The following TANGO6 variants were observed in gnomAD, a reference collection of about 807,000 sequenced individuals.
TANGO6 encodes the protein transport and golgi organization 6 homolog, also known as transport and Golgi organization protein 6 homolog.
Under a neutral mutation model 114.2 loss-of-function variants are expected in TANGO6, and 90 were observed. The ratio of observed to expected loss-of-function variants is 0.79; its 90% confidence interval spans 0.66 to 0.94. TANGO6 has a LOEUF of 0.94. Among genes scored for constraint, TANGO6 ranks in the 40% least tolerant of loss-of-function variants. The pLI is 0.00. For missense variants in TANGO6, 1,274 were observed against 1,315.3 expected (o/e 0.97, Z 0.49); for synonymous variants, 477 against 509.8 (o/e 0.94, Z 0.87).
chr16:68,915,500 A>C (rs1962991202), intron 11 of TANGO6, among the ~76,000 whole-genome samples: 1 of 152,140 alleles, frequency 6.6e-6, no homozygotes, highest in African/African-American at 2.4e-5. Flanking sequence ...TCCTGGCCTA[A>C]AGTGATCTCC....
chr16:68,915,296 A>G (rs1361975329), intron 11 of TANGO6, among the ~76,000 whole-genome samples: 1 of 151,892 alleles, frequency 6.6e-6, no homozygotes, highest in Non-Finnish European at 1.5e-5. Flanking sequence ...ACAGGGTCTC[A>G]CTCTTTGTTG....
chr16:69,044,853 A>G (rs1198723707), intron 17 of TANGO6, among the ~76,000 whole-genome samples: 1 of 152,116 alleles, frequency 6.6e-6, no homozygotes, highest in Non-Finnish European at 1.5e-5. Flanking sequence ...CCTTATCTGA[A>G]AAAGAAAAAA....
intron 17 of TANGO6, among the ~76,000 whole-genome samples, chr16:69,045,925 G>C (rs1424148885): frequency 6.6e-6 from 1 of 151,148 alleles, no homozygotes; most frequent in Non-Finnish European, 1.5e-5. Flanking sequence ...TTAGCCGGGC[G>C]TGGTGTCACG....
At chr16:69,015,435 A>G (rs1157878257) in intron 15 of TANGO6, among the ~76,000 whole-genome samples, 3 of 148,154 alleles carry the variant, frequency 2.0e-5, no homozygotes, top group African/African-American at 7.3e-5. Context: ...GGGTTGATGG[A>G]GCATGTAGTT....
In TANGO6 at chr16:69,063,781, T is replaced by TTTCTTCTTCTTCTTCTTC. The variant is rs575958202; in HGVS notation, c.3109-19692_3109-19675dup. Among the ~76,000 whole-genome samples, 886 of 115,326 alleles carry TTTCTTCTTCTTCTTCTTC rather than the reference T, an allele frequency of 7.7e-3. 15 individuals are homozygous for TTTCTTCTTCTTCTTCTTC. Among genetic ancestry groups the TTTCTTCTTCTTCTTCTTC allele is most frequent in the African/African-American group, 0.029 (805 of 27,918 alleles). The allele number at this position is 115,326 out of a possible 152,430, so 75.7% of individuals were successfully genotyped here. A position where few individuals can be genotyped will look rare whatever the true frequency, so the allele number is the denominator to read the frequency against. On this transcript the variant is annotated intron_variant, in intron 17 of 17. Transcript: ENST00000261778. ...TCACTCTGGGCAGCGTAGCCATACT[T>TTTCTTCTTCTTCTTCTTC]TTCTTCTTCTTCTTCTTCTTCTTCT...
At chr16:68,951,892 G>A (rs1963475319) in intron 14 of TANGO6, among the ~76,000 whole-genome samples, 1 of 152,270 alleles carries the variant, frequency 6.6e-6, no homozygotes, top group East Asian at 1.9e-4. Flanking sequence ...GATTACAGGC[G>A]TGAGCCACCA....
intron 16 of TANGO6, among the ~76,000 whole-genome samples, chr16:69,038,421 T>C (rs1959724028): frequency 1.3e-5 from 2 of 151,240 alleles, no homozygotes; most frequent in Middle Eastern, 3.4e-3. Flanking sequence ...CAGAGCGAGA[T>C]CCTGTTTCAA....
intron 3 of TANGO6, among the ~76,000 whole-genome samples, chr16:68,865,275 C>CA (rs60365346): frequency 0.14 from 9,915 of 69,984 alleles, 506 homozygotes; most frequent in East Asian, 0.24. Context: ...GACTCCGTCT[C>CA]AAAAAAAAAA....
chr16:68,866,975 CT>C (rs536677611), intron 3 of TANGO6, 103 bp from the exon 4 acceptor site: 8,764 of 227,120 alleles, frequency 0.039, 226 homozygotes, highest in African/African-American at 0.13. Context: ...GCTATTTCTC[CT>C]TTTTTTTTTT....
chr16:68,906,792 C>CTTT lies in TANGO6; in HGVS notation c.1668-635_1668-633dup, dbSNP rs35841953. 6.0e-5 allele frequency among the ~76,000 whole-genome samples: 8 copies of CTTT among 132,976 alleles called. No individual in the cohort carries two copies. The South Asian group carries it at 7.2e-4, about 12-fold the overall frequency. 87.2% of individuals were successfully genotyped at this position (132,976 alleles called of 152,430 possible). The stretch of plus-strand genomic sequence containing the variant: ...GGACATAACCGCCTAGTTTCTTCTT[C>CTTT]TTTTTTTTTTTTTTTTTTGAGACAG... On this transcript the variant is annotated intron_variant, in intron 9 of 17. Transcript: ENST00000261778.
chr16:69,070,924 C>T (rs909490206), intron 17 of TANGO6, among the ~76,000 whole-genome samples: 4 of 151,902 alleles, frequency 2.6e-5, no homozygotes, highest in Admixed American at 2.6e-4. Flanking sequence ...CAGGTACCCA[C>T]CACCATGCCC....
intron 14 of TANGO6, among the ~76,000 whole-genome samples, chr16:68,973,376 G>A (rs1963728569): frequency 6.6e-6 from 1 of 152,156 alleles, no homozygotes; most frequent in Non-Finnish European, 1.5e-5. Flanking sequence ...AGACATGAAT[G>A]GTAGAATTTG....
At chr16:69,003,466 C>T (rs1964063381) in intron 15 of TANGO6, among the ~76,000 whole-genome samples, 1 of 152,156 alleles carries the variant, frequency 6.6e-6, no homozygotes, top group Non-Finnish European at 1.5e-5. Context: ...TATTGTTTTT[C>T]CCAGGAGTCT....
intron 7 of TANGO6, among the ~76,000 whole-genome samples, chr16:68,895,486 G>T (rs1156837604): frequency 6.6e-6 from 1 of 152,224 alleles, no homozygotes; most frequent in Non-Finnish European, 1.5e-5. Context: ...AGGTGCTGAA[G>T]AAGGGAGCTT....
chr16:68,881,179 C>G (rs1450467385), intron 7 of TANGO6, among the ~76,000 whole-genome samples: 1 of 152,210 alleles, frequency 6.6e-6, no homozygotes. Context: ...TTTAGTTTCT[C>G]TAACTGGCAA....
chr16:68,928,068 A>G lies in TANGO6; in HGVS notation c.2628A>G (p.Gln876=), dbSNP rs1403475806. The G allele has an allele frequency of 1.3e-6, 2 of 1,584,064 alleles. No homozygotes were observed. The highest frequency in any genetic ancestry group is 1.3e-5 in the African/African-American group (1 of 74,288). The change falls in exon 13 of 18, where the codon CAA becomes CAG. Residue 876 remains glutamine (Q), a synonymous_variant. Coordinates refer to ENST00000261778, the MANE Select transcript of TANGO6 (RefSeq NM_024562.2). ...EQREAKALEM[Q]EKLLKIFLEN... ...GAGAAGCAAAAGCCCTTGAGATGCAAGAGAAGCTTCTCAAGGTGAGTAGAA... is the reference window on the plus strand; with the variant it reads ...GAGAAGCAAAAGCCCTTGAGATGCAGGAGAAGCTTCTCAAGGTGAGTAGAA...
intron 16 of TANGO6, chr16:69,034,685 GA>G (rs1296953185): frequency 6.6e-6 from 1 of 152,196 alleles, no homozygotes; most frequent in Non-Finnish European, 1.5e-5. Flanking sequence ...GGCATCTGAA[GA>G]AAGTTATCCT....
chr16:68,849,105 T>C (rs1166552470), intron 1 of TANGO6, among the ~76,000 whole-genome samples: 1 of 152,082 alleles, frequency 6.6e-6, no homozygotes, highest in Non-Finnish European at 1.5e-5. Context: ...GAGGCCGAGG[T>C]GGGTGGATCA....
intron 14 of TANGO6, among the ~76,000 whole-genome samples, chr16:68,967,483 T>G (rs1442970835): frequency 2.0e-5 from 3 of 152,184 alleles, no homozygotes; most frequent in African/African-American, 7.2e-5. Flanking sequence ...TGGGGACCCC[T>G]GTTTTAGAAT....
Sources: gnomAD v4.1 joint callset for allele counts (sites outside exome capture counted in the v4.1 genomes callset) on GRCh38, gnomAD v4.1.1 for gene constraint, MANE v1.5 for transcripts, NCBI Gene and HGNC (gene_info 2026-07-23, HGNC 2026-07-21) for gene names.